The following COX6A1 variants were observed in gnomAD, a reference collection of about 807,000 sequenced individuals.
The protein encoded by COX6A1 is cytochrome c oxidase subunit 6A1, mitochondrial.
In COX6A1, 10 loss-of-function variants were observed where a neutral mutation model predicts 11.3. That is an observed-to-expected ratio of 0.88 (90% CI 0.54 to 1.50). COX6A1 has a LOEUF of 1.50. COX6A1 is among the 40% of genes most tolerant of loss of function. The probability of loss-of-function intolerance (pLI) is 0.00; values close to 1 mark genes in which losing one functional copy is unlikely to be tolerated. For synonymous variants in COX6A1, 81 were observed against 60.6 expected, an observed-to-expected ratio of 1.34 and a Z score of -1.57; for missense variants, 149 against 147.6, an observed-to-expected ratio of 1.01 and a Z score of -0.05.
At position 120,438,474 on chromosome 12, in the gene COX6A1, G is replaced by C; in HGVS notation, c.199G>C (p.Glu67Gln). The change falls in exon 2 of 3, where the codon GAG (glutamate) becomes CAG (glutamine). Residue 67 changes from glutamate (E) to glutamine (Q), a missense_variant. Transcript: ENST00000229379. ...CCTGAAGTCGCACCACGGAGAGCACGAGAGACCCGAGTTCATCGCCTACCC... is the reference window on the plus strand; with the variant it reads ...CCTGAAGTCGCACCACGGAGAGCACCAGAGACCCGAGTTCATCGCCTACCC... ...VYLKSHHGEH[E>Q]RPEFIAYPHL... is the part of the protein sequence containing the mutation. 1 of 1,614,168 alleles carries C rather than the reference G, an allele frequency of 6.2e-7. No homozygotes were observed. Among genetic ancestry groups the C allele is most frequent in the Non-Finnish European group, 8.5e-7 (1 of 1,180,036 alleles).
At position 120,438,417 on chromosome 12, in the gene COX6A1, C is replaced by T. The variant is rs772617717; in HGVS notation, c.142C>T (p.Pro48Ser). Residue 48 changes from proline (P) to serine (S), a missense_variant, in exon 2 of 3, where the codon CCC becomes TCC. Pro to Ser is a moderately conservative substitution (Grantham distance 74). Coordinates refer to ENST00000229379, the MANE Select transcript of COX6A1 (RefSeq NM_004373.4). ...WKTLTFFVAL[P>S]GVAVSMLNVY... ...GACTCTCACCTTCTTCGTCGCGCTCCCCGGGGTGGCAGTCAGCATGCTGAA... is the reference window on the plus strand; with the variant it reads ...GACTCTCACCTTCTTCGTCGCGCTCTCCGGGGTGGCAGTCAGCATGCTGAA... The T allele has an allele frequency of 1.2e-6, 2 of 1,614,090 alleles. No individual in the cohort carries two copies. The highest frequency in any genetic ancestry group is 2.2e-5 in the South Asian group (2 of 91,094).
intron 2 of COX6A1, 195 bp downstream of exon 2, chr12:120,438,716 A>G (rs1395076749): frequency 1.5e-6 from 1 of 669,158 alleles, no homozygotes; most frequent in African/African-American, 1.8e-5. Context: ...CTCTTCTTCA[A>G]GGTCATACAA....
rs900742009 is a variant in COX6A1 at position 120,440,396 on chromosome 12, A to G, written c.247-58A>G. On this transcript the variant is annotated intron_variant, in intron 2 of 2. Transcript: ENST00000229379. ...GTCACCCCGTTATAAGCAGTTCATG[A>G]CGGTGTTCTTTCTAAATTATTTTCT... 3 of 1,343,052 alleles carry G rather than the reference A, an allele frequency of 2.2e-6. No individual in the cohort carries two copies. The African/African-American group carries it at 4.3e-5, about 19-fold the overall frequency. 83.2% of individuals were successfully genotyped at this position (1,343,052 alleles called of 1,614,324 possible).
In COX6A1 at chr12:120,440,594, A is replaced by G; in HGVS notation, c.*57A>G. The G allele has an allele frequency of 1.5e-6, 2 of 1,341,144 alleles. No homozygotes were observed. Among genetic ancestry groups the G allele is most frequent in the South Asian group, 1.2e-5 (1 of 84,798 alleles). 83.1% of individuals were successfully genotyped at this position (1,341,144 alleles called of 1,614,324 possible). On this transcript the variant is annotated 3_prime_UTR_variant, in exon 3 of 3. Transcript: ENST00000229379. Reference sequence around the variant, plus strand: ...GACCACAGCACTGGTTTGGACCGTTACTCTGCACATGGACCAGAAAAAGTA... The same window carrying G: ...GACCACAGCACTGGTTTGGACCGTTGCTCTGCACATGGACCAGAAAAAGTA...
At chr12:120,438,882 A>G (rs1475142153) in intron 2 of COX6A1, 2 of 215,580 alleles carry the variant, frequency 9.3e-6, no homozygotes, top group Admixed American at 1.2e-4. Flanking sequence ...ATCCAATTAG[A>G]GTGGCAAAGT....
rs756112059 is a variant in COX6A1 at position 120,440,563 on chromosome 12, A to G, written c.*26A>G. 12 of 1,520,068 alleles carry G rather than the reference A, an allele frequency of 7.9e-6. No individual in the cohort carries two copies. The highest frequency in any genetic ancestry group is 1.4e-5 in the African/African-American group (1 of 72,924). The allele number at this position is 1,520,068 out of a possible 1,614,324, so 94.2% of individuals were successfully genotyped here. A position where few individuals can be genotyped will look rare whatever the true frequency, so the allele number is the denominator to read the frequency against. ...AGAGAATCTGGACCACTACCCGGGC[A>G]CCAGGGACCACAGCACTGGTTTGGA... On this transcript the variant is annotated 3_prime_UTR_variant, in exon 3 of 3. Transcript: ENST00000229379.
At position 120,439,469 on chromosome 12, in the gene COX6A1, T is replaced by G. The variant is rs1732849; in HGVS notation, c.246+948T>G. On this transcript the variant is annotated intron_variant, in intron 2 of 2. Transcript: ENST00000229379. The stretch of plus-strand genomic sequence containing the variant: ...GGAGGTTGAACCCAGGAGGAGGAGG[T>G]TGCAGTGAGCCAAGATCCAGCCATT... Among the ~76,000 whole-genome samples, 880 of 151,816 alleles carry G rather than the reference T, an allele frequency of 5.8e-3. 6 individuals are homozygous for G. The highest frequency in any genetic ancestry group is 0.02 in the African/African-American group (815 of 41,396).
intron 2 of COX6A1, 63 bp downstream of exon 2, chr12:120,438,584 G>C (rs1877632328): frequency 6.2e-7 from 1 of 1,610,918 alleles, no homozygotes; most frequent in Non-Finnish European, 8.5e-7. Context: ...CTTAGTGCAA[G>C]TTCTTCATTC....
Position 120,440,652 on chromosome 12 carries a change from A to G in COX6A1, c.*115A>G. On this transcript the variant is annotated 3_prime_UTR_variant, in exon 3 of 3. Transcript: ENST00000229379. ...CCTTAAGCTCACCTTCTTTACTTGT[A>G]TCAAATGATGACTGGTATACTGGTC... The G allele has an allele frequency of 1.4e-6, 1 of 694,858 alleles. No homozygotes were observed. 43.0% of individuals were successfully genotyped at this position (694,858 alleles called of 1,614,324 possible).
intron 2 of COX6A1, chr12:120,439,851 G>C (rs1195058898): frequency 6.6e-6 from 1 of 152,598 alleles, no homozygotes; most frequent in Non-Finnish European, 1.5e-5. Flanking sequence ...CTAGGTGGCA[G>C]TAGTACCTGC....
At chr12:120,439,434 G>A (rs1877661438) in intron 2 of COX6A1, among the ~76,000 whole-genome samples, 1 of 152,026 alleles carries the variant, frequency 6.6e-6, no homozygotes, top group South Asian at 2.1e-4. Context: ...GGCTGCGGTG[G>A]GAGAATCTAG....
chr12:120,438,781 G>C, intron 2 of COX6A1: 2 of 268,452 alleles, frequency 7.5e-6, no homozygotes, highest in Non-Finnish European at 1.4e-5. Flanking sequence ...TGCCTTCTGA[G>C]ACAGTTCTTT....
chr12:120,438,759 C>A, intron 2 of COX6A1: 5 of 417,896 alleles, frequency 1.2e-5, no homozygotes, highest in East Asian at 5.0e-5. Context: ...TTCTCCGATT[C>A]ATCCTACCTC....
At chr12:120,438,727 T>C (rs946967996) in intron 2 of COX6A1, 3 of 581,930 alleles carry the variant, frequency 5.2e-6, no homozygotes, top group Non-Finnish European at 9.0e-6. Flanking sequence ...GGTCATACAA[T>C]AAGTGCTCTT....
At position 120,439,532 on chromosome 12, in the gene COX6A1, C is replaced by CA. The variant is rs1038018444; in HGVS notation, c.247-913dup. Among the ~76,000 whole-genome samples the CA allele has an allele frequency of 2.1e-4, 31 of 148,914 alleles. No individual in the cohort carries two copies. In the East Asian group the frequency reaches 3.5e-3, roughly 17 times the overall value. Reference sequence around the variant, plus strand: ...GGGCAACAGGAGTGAAACTCCGTCTCAAAAAAAAATAGTAATAATATACTT... The same window carrying CA: ...GGGCAACAGGAGTGAAACTCCGTCTCAAAAAAAAAATAGTAATAATATACTT... On this transcript the variant is annotated intron_variant, in intron 2 of 2. Transcript: ENST00000229379.
intron 2 of COX6A1, 131 bp downstream of exon 2, chr12:120,438,652 T>C: frequency 7.0e-6 from 9 of 1,292,842 alleles, no homozygotes; most frequent in South Asian, 1.2e-5. Flanking sequence ...ACAGAAAATG[T>C]ATTTTCTTCC....
chr12:120,438,433 G>C lies in COX6A1; in HGVS notation c.158G>C (p.Ser53Thr). 6.2e-7 allele frequency: 1 copy of C among 1,614,210 alleles called. No homozygotes were observed. The highest frequency in any genetic ancestry group is 8.5e-7 in the Non-Finnish European group (1 of 1,180,026). The change falls in exon 2 of 3, where the codon AGC (serine) becomes ACC (threonine). Residue 53 changes from serine (S) to threonine (T), a missense_variant. By Grantham distance (58) the Ser-to-Thr change is moderately conservative. Transcript: ENST00000229379. ...GTCGCGCTCCCCGGGGTGGCAGTCA[G>C]CATGCTGAATGTGTACCTGAAGTCG... ...FFVALPGVAV[S>T]MLNVYLKSHH...
chr12:120,440,619 A>G lies in COX6A1; in HGVS notation c.*82A>G, dbSNP rs549902402. The stretch of plus-strand genomic sequence containing the variant: ...ACTCTGCACATGGACCAGAAAAAGT[A>G]TATGGGACCTTAAGCTCACCTTCTT... On this transcript the variant is annotated 3_prime_UTR_variant, in exon 3 of 3. Transcript: ENST00000229379. The G allele has an allele frequency of 7.3e-5, 72 of 989,850 alleles. No homozygotes were observed. The East Asian group carries it at 1.6e-3, about 23-fold the overall frequency. 61.3% of individuals were successfully genotyped at this position (989,850 alleles called of 1,614,324 possible). A position where few individuals can be genotyped will look rare whatever the true frequency, so the allele number is the denominator to read the frequency against.
chr12:120,438,703 A>G (rs1459917449), intron 2 of COX6A1, 182 bp downstream of exon 2: 18 of 743,022 alleles, frequency 2.4e-5, no homozygotes, highest in African/African-American at 1.1e-4. Context: ...TTACGTCTCA[A>G]TTCTCTTCTT....
Sources: allele counts gnomAD v4.1 joint callset (sites outside exome capture counted in the v4.1 genomes callset), GRCh38; gene constraint gnomAD v4.1.1; transcripts MANE v1.5; gene names NCBI Gene and HGNC (gene_info 2026-07-23, HGNC 2026-07-21).